SLC25A12: variants seen among roughly 807,000 people sequenced by gnomAD.
SLC25A12 encodes electrogenic aspartate/glutamate antiporter SLC25A12, mitochondrial.
Under a neutral mutation model 83.3 loss-of-function variants are expected in SLC25A12, and 32 were observed. The observed-to-expected ratio is 0.38, with a 90% CI of 0.29 to 0.52. The LOEUF is 0.52. Among genes scored for constraint, SLC25A12 ranks in the 20% least tolerant of loss-of-function variants. SLC25A12 has a pLI of 0.84. For missense variants in SLC25A12, 611 were observed against 835.6 expected (o/e 0.73, Z 3.31); for synonymous variants, 267 against 291.1 (o/e 0.92, Z 0.84).
intron 5 of SLC25A12, among the ~76,000 whole-genome samples, chr2:171,840,146 A>G (rs1026543073): frequency 2.6e-5 from 4 of 152,238 alleles, no homozygotes; most frequent in Non-Finnish European, 4.4e-5. Context: ...ATTGGAGACT[A>G]GACAATTTTT....
intron 5 of SLC25A12, among the ~76,000 whole-genome samples, chr2:171,843,101 G>A (rs570634903): frequency 7.2e-5 from 11 of 152,244 alleles, no homozygotes; most frequent in East Asian, 3.9e-4. Flanking sequence ...GATTACAGGC[G>A]TGAGCTACCA....
intron 8 of SLC25A12, among the ~76,000 whole-genome samples, chr2:171,830,596 C>G (rs967543358): frequency 6.6e-6 from 1 of 152,288 alleles, no homozygotes; most frequent in African/African-American, 2.4e-5. Flanking sequence ...TCACTGCAAC[C>G]TCCACCTCCC....
intron 2 of SLC25A12, chr2:171,871,804 C>G: frequency 1.1e-6 from 1 of 925,788 alleles, no homozygotes; most frequent in Non-Finnish European, 1.3e-6. Context: ...TTCTGTTTAG[C>G]ATTCAAAGCA....
intron 13 of SLC25A12, among the ~76,000 whole-genome samples, chr2:171,806,483 C>A (rs574901715): frequency 6.6e-6 from 1 of 152,142 alleles, no homozygotes; most frequent in South Asian, 2.1e-4. Context: ...AAAAACAAAC[C>A]AGATAATAAA....
intron 4 of SLC25A12, among the ~76,000 whole-genome samples, chr2:171,845,399 G>C: frequency 6.6e-6 from 1 of 151,726 alleles, no homozygotes; most frequent in East Asian, 1.9e-4. Context: ...AAAAAATCAT[G>C]AACAAAGTTA....
chr2:171,874,651 A>G (rs986980450), intron 2 of SLC25A12, among the ~76,000 whole-genome samples: 4 of 152,188 alleles, frequency 2.6e-5, no homozygotes, highest in Non-Finnish European at 5.9e-5. Context: ...ACAAACACAC[A>G]ATACAAGCGT....
chr2:171,882,083 A>C (rs1685706316), intron 2 of SLC25A12, among the ~76,000 whole-genome samples: 1 of 152,202 alleles, frequency 6.6e-6, no homozygotes, highest in South Asian at 2.1e-4. Flanking sequence ...ACTTGGAGGC[A>C]CAGAATCTCT....
At chr2:171,797,090 T>G (rs1466027677) in intron 13 of SLC25A12, among the ~76,000 whole-genome samples, 2 of 152,216 alleles carry the variant, frequency 1.3e-5, no homozygotes, top group African/African-American at 4.8e-5. Context: ...ATGATATCAT[T>G]AATAACAGCT....
At chr2:171,823,454 C>T (rs1684234376) in intron 9 of SLC25A12, among the ~76,000 whole-genome samples, 1 of 152,104 alleles carries the variant, frequency 6.6e-6, no homozygotes, top group South Asian at 2.1e-4. Flanking sequence ...TTCACAATGG[C>T]CATTAGTGGA....
chr2:171,818,582 G>A (rs1684105748), intron 9 of SLC25A12, among the ~76,000 whole-genome samples: 1 of 151,576 alleles, frequency 6.6e-6, no homozygotes, highest in Admixed American at 6.6e-5. Flanking sequence ...GACCAGCCTG[G>A]GCAACATGGT....
intron 3 of SLC25A12, among the ~76,000 whole-genome samples, chr2:171,857,287 C>T (rs1019789871): frequency 6.6e-6 from 1 of 152,150 alleles, no homozygotes; most frequent in African/African-American, 2.4e-5. Context: ...GGGAGGATTG[C>T]TTGAGCCCAG....
At chr2:171,843,795 C>CTTTTT (rs71013078) in intron 5 of SLC25A12, among the ~76,000 whole-genome samples, 2 of 117,284 alleles carry the variant, frequency 1.7e-5, no homozygotes, top group Non-Finnish European at 3.4e-5. Context: ...AAAGAACTAG[C>CTTTTT]TTTTTTTTTT....
chr2:171,884,783 A>C (rs1685778880), intron 2 of SLC25A12, among the ~76,000 whole-genome samples: 1 of 151,454 alleles, frequency 6.6e-6, no homozygotes, highest in African/African-American at 2.4e-5. Flanking sequence ...CCCCCACCAA[A>C]AAAAAAAAAG....
chr2:171,881,301 C>T (rs903551345), intron 2 of SLC25A12, among the ~76,000 whole-genome samples: 9 of 152,076 alleles, frequency 5.9e-5, no homozygotes, highest in Non-Finnish European at 8.8e-5. Flanking sequence ...TACAGGCATC[C>T]GCCATCATGC....
rs143493660 is a variant in SLC25A12 at position 171,872,289 on chromosome 2, A to G, written c.67-3466T>C. On this transcript the variant is annotated intron_variant, in intron 2 of 17. Transcript: ENST00000422440. ...AAAGAAAACAATAAGTTTCAAAACA[A>G]TAAGTATATAAACATAGGATAAAGA... Among the ~76,000 whole-genome samples the G allele has an allele frequency of 1.5e-4, 23 of 152,356 alleles. 1 individual carries two copies. Among genetic ancestry groups the G allele is most frequent in the African/African-American group, 5.3e-4 (22 of 41,594 alleles).
chr2:171,857,336 A>G lies in SLC25A12; in HGVS notation c.210-1387T>C, dbSNP rs567526797. On this transcript the variant is annotated intron_variant, in intron 3 of 17. Transcript: ENST00000422440. ...TAATAAGCCATGATCATGCTACCGCACTCCAGCCTGGGCGACAGACCAGAC... is the reference window on the plus strand; with the variant it reads ...TAATAAGCCATGATCATGCTACCGCGCTCCAGCCTGGGCGACAGACCAGAC... 6.9e-4 allele frequency among the ~76,000 whole-genome samples: 105 copies of G among 152,218 alleles called. 1 individual carries two copies. Among genetic ancestry groups the G allele is most frequent in the African/African-American group, 2.5e-3 (104 of 41,514 alleles).
chr2:171,833,890 A>T (rs1255184426), intron 8 of SLC25A12, 73 bp downstream of exon 8: 3 of 900,968 alleles, frequency 3.3e-6, no homozygotes, highest in Admixed American at 1.8e-5. Flanking sequence ...AGAATGAACT[A>T]AAAGGACACC....
chr2:171,826,046 T>C (rs1284711072), intron 9 of SLC25A12, among the ~76,000 whole-genome samples: 1 of 152,242 alleles, frequency 6.6e-6, no homozygotes, highest in African/African-American at 2.4e-5. Flanking sequence ...CTAATTACTT[T>C]TTTTTTCCTG....
intron 2 of SLC25A12, among the ~76,000 whole-genome samples, chr2:171,871,140 T>G (rs918989042): frequency 6.6e-6 from 1 of 152,010 alleles, no homozygotes; most frequent in Admixed American, 6.6e-5. Context: ...AGGTCGAGAC[T>G]ACAGTGAGCC....
Sources: allele counts gnomAD v4.1 joint callset (sites outside exome capture counted in the v4.1 genomes callset), GRCh38; gene constraint gnomAD v4.1.1; transcripts MANE v1.5; gene names NCBI Gene and HGNC (gene_info 2026-07-23, HGNC 2026-07-21).